The following DUS2 variants were observed in gnomAD, a reference collection of about 807,000 sequenced individuals.
The protein encoded by DUS2 is tRNA-dihydrouridine(20) synthase [NAD(P)+]-like.
Under a neutral mutation model 71.3 loss-of-function variants are expected in DUS2, and 52 were observed. The observed-to-expected ratio is 0.73, with a 90% CI of 0.58 to 0.92. The LOEUF (loss-of-function observed/expected upper bound fraction) is 0.92. Ranked by LOEUF, DUS2 falls within the 40% of genes least tolerant of loss-of-function variation. The pLI is 0.00. For missense variants in DUS2, 558 were observed against 622.6 expected, an observed-to-expected ratio of 0.90 and a Z score of 1.10; for synonymous variants, 204 against 227.8, an observed-to-expected ratio of 0.90 and a Z score of 0.94.
At chr16:68,064,210 C>A (rs1567479467) in intron 8 of DUS2, among the ~76,000 whole-genome samples, 1 of 152,166 alleles carries the variant, frequency 6.6e-6, no homozygotes, top group Non-Finnish European at 1.5e-5. Context: ...ATGTGCTGTT[C>A]CTCTGCTCAA....
chr16:68,023,432 AG>A, intron 1 of DUS2, 81 bp downstream of exon 1: 1 of 574,202 alleles, frequency 1.7e-6, no homozygotes, highest in Non-Finnish European at 3.1e-6. Context: ...GCAGGACTGG[AG>A]GCTGGCGATA....
chr16:68,028,324 C>T (rs1193788947), intron 2 of DUS2, among the ~76,000 whole-genome samples: 5 of 151,924 alleles, frequency 3.3e-5, no homozygotes, highest in African/African-American at 1.2e-4. Flanking sequence ...AGATGTTTGT[C>T]GATATAACAA....
intron 3 of DUS2, among the ~76,000 whole-genome samples, chr16:68,043,383 G>A (rs958443852): frequency 1.3e-5 from 2 of 151,748 alleles, no homozygotes; most frequent in African/African-American, 4.8e-5. Context: ...TCCAGCTCTG[G>A]GTGTCAGAGC....
chr16:68,070,211 T>G lies in DUS2; in HGVS notation c.632T>G (p.Val211Gly). The G allele has an allele frequency of 6.2e-7, 1 of 1,614,098 alleles. No individual in the cohort carries two copies. Among genetic ancestry groups the G allele is most frequent in the Non-Finnish European group, 8.5e-7 (1 of 1,179,950 alleles). Reference protein sequence around the residue: ...KAIADTLSIPVIANGGSHDHI... With the variant: ...KAIADTLSIPGIANGGSHDHI... ...ATTGCTGATACCCTCTCCATTCCTGTCATAGCCAAGTAAGCCTCCTGTCTT... is the reference window on the plus strand; with the variant it reads ...ATTGCTGATACCCTCTCCATTCCTGGCATAGCCAAGTAAGCCTCCTGTCTT... Residue 211 changes from valine (V) to glycine (G), a missense_variant, in exon 11 of 17, where the codon GTC becomes GGC. By Grantham distance (109) the Val-to-Gly change is moderately radical. Transcript: ENST00000565263.
At chr16:68,078,285 C>T in intron 15 of DUS2, 160 bp from the exon 16 acceptor site, 1 of 681,406 alleles carries the variant, frequency 1.5e-6, no homozygotes, top group Non-Finnish European at 2.6e-6. Context: ...GTGCCTTTCT[C>T]CACTGGGCAC....
At chr16:68,056,518 A>T (rs2033853734) in intron 7 of DUS2, 94 bp downstream of exon 7, 2 of 1,010,026 alleles carry the variant, frequency 2.0e-6, no homozygotes, top group Non-Finnish European at 3.1e-6. Flanking sequence ...TCTGGACTGG[A>T]TTCTGTACTA....
Position 68,056,431 on chromosome 16 carries a change from T to G in DUS2, c.369+7T>G, listed in dbSNP as rs779541209. The G allele has an allele frequency of 1.4e-5, 23 of 1,611,278 alleles. 1 individual carries two copies. The Admixed American group carries it at 3.2e-4, about 22-fold the overall frequency. On this transcript the variant is annotated splice_region_variant and intron_variant, in intron 7 of 16. Coordinates refer to ENST00000565263, the MANE Select transcript of DUS2 (RefSeq NM_017803.5). ...AAAACAATATTCCACCAAGGTAAAC[T>G]GGTTTCTTTATACTCCTCATAAACA...
In DUS2 at chr16:68,035,884, T is replaced by TTA. The variant is rs71145987; in HGVS notation, c.-18-2077_-18-2076dup. On this transcript the variant is annotated intron_variant, in intron 2 of 16. Transcript: ENST00000565263. ...TGTGTACCACCACATCCCGCTAATT[T>TTA]TATATATATATATATATATATATAT... is the stretch of plus-strand genomic sequence containing the variant. 3.0e-3 allele frequency among the ~76,000 whole-genome samples: 343 copies of TTA among 113,144 alleles called. 2 individuals are homozygous for TTA. Among genetic ancestry groups the TTA allele is most frequent in the African/African-American group, 0.012 (272 of 22,358 alleles). 74.2% of individuals were successfully genotyped at this position (113,144 alleles called of 152,430 possible). A position where few individuals can be genotyped will look rare whatever the true frequency, so the allele number is the denominator to read the frequency against.
At chr16:68,030,774 C>G (rs1352081468) in intron 2 of DUS2, among the ~76,000 whole-genome samples, 1 of 151,988 alleles carries the variant, frequency 6.6e-6, no homozygotes, top group African/African-American at 2.4e-5. Flanking sequence ...CTCTGTCACC[C>G]AGGCTGGAGT....
At chr16:68,027,240 T>G (rs2033364290) in intron 2 of DUS2, among the ~76,000 whole-genome samples, 2 of 142,328 alleles carry the variant, frequency 1.4e-5, no homozygotes, top group South Asian at 4.6e-4. Flanking sequence ...TAACTTCTTG[T>G]TTTTTTTTTT....
At chr16:68,037,087 ACT>A (rs2033541206) in intron 2 of DUS2, among the ~76,000 whole-genome samples, 1 of 150,158 alleles carries the variant, frequency 6.7e-6, no homozygotes, top group South Asian at 2.1e-4. Context: ...TAGAATGAAA[ACT>A]CTGCTTCAGA....
At chr16:68,051,159 C>G (rs1323610892) in intron 4 of DUS2, among the ~76,000 whole-genome samples, 1 of 152,182 alleles carries the variant, frequency 6.6e-6, no homozygotes, top group African/African-American at 2.4e-5. Context: ...TCTTTGAAAG[C>G]TAGTAATGGT....
At chr16:68,051,743 C>G (rs930216688) in intron 4 of DUS2, among the ~76,000 whole-genome samples, 3 of 152,128 alleles carry the variant, frequency 2.0e-5, no homozygotes. Flanking sequence ...ATTCACTTAA[C>G]ATTGAACCCA....
intron 2 of DUS2, among the ~76,000 whole-genome samples, chr16:68,035,392 T>C (rs1011198126): frequency 7.3e-5 from 8 of 109,752 alleles, no homozygotes; most frequent in African/African-American, 2.6e-4. Flanking sequence ...TGTGTTTTCC[T>C]TTTTTTTTTT....
intron 2 of DUS2, among the ~76,000 whole-genome samples, chr16:68,031,164 A>G (rs2033431954): frequency 6.6e-6 from 1 of 151,972 alleles, no homozygotes; most frequent in Non-Finnish European, 1.5e-5. Context: ...TAGGAAACTC[A>G]TGAACTCTTT....
At chr16:68,058,250 G>A (rs2033889554) in intron 7 of DUS2, among the ~76,000 whole-genome samples, 1 of 150,010 alleles carries the variant, frequency 6.7e-6, no homozygotes, top group Admixed American at 6.7e-5. Flanking sequence ...TTGAGATGGA[G>A]TCTCACTCTT....
chr16:68,063,956 C>CA (rs1432231842), intron 8 of DUS2, among the ~76,000 whole-genome samples: 1 of 152,190 alleles, frequency 6.6e-6, no homozygotes, highest in Non-Finnish European at 1.5e-5. Context: ...CACCTAACCT[C>CA]AGGTGATCTG....
chr16:68,055,882 A>G (rs1449000880), intron 6 of DUS2, among the ~76,000 whole-genome samples: 1 of 150,946 alleles, frequency 6.6e-6, no homozygotes, highest in Non-Finnish European at 1.5e-5. Context: ...AATACATACC[A>G]GAGGACGGAG....
In DUS2 at chr16:68,078,533, C is replaced by G; in HGVS notation, c.1244+15C>G. ...TCTACCTTGTGGTAAGTTTCCTTAT[C>G]ATAGGAGAGGAGGCTTGGGGTGGGG... On this transcript the variant is annotated intron_variant, in intron 16 of 16. Coordinates refer to ENST00000565263, the MANE Select transcript of DUS2 (RefSeq NM_017803.5). 6.2e-7 allele frequency: 1 copy of G among 1,612,602 alleles called. No individual in the cohort carries two copies. Among genetic ancestry groups the G allele is most frequent in the Non-Finnish European group, 8.5e-7 (1 of 1,178,986 alleles).
Sources: gnomAD v4.1 joint callset for allele counts (sites outside exome capture counted in the v4.1 genomes callset) on GRCh38, gnomAD v4.1.1 for gene constraint, MANE v1.5 for transcripts, NCBI Gene and HGNC (gene_info 2026-07-23, HGNC 2026-07-21) for gene names.